Variants in TF observed in about 807,000 individuals in gnomAD.
TF encodes transferrin.
TF carries 55 observed loss-of-function variants against 82.4 expected under a neutral mutation model. That is an observed-to-expected ratio of 0.67 (90% confidence interval 0.54 to 0.84). The LOEUF is 0.84. Ranked by LOEUF, TF falls within the 40% of genes least tolerant of loss-of-function variation. The pLI, the probability that TF is intolerant of heterozygous loss-of-function variation, is 0.00. For synonymous variants in TF, 332 were observed against 332.6 expected (o/e 1.00, Z 0.02); for missense variants, 737 against 868.4 (o/e 0.85, Z 1.90).
In TF at chr3:133,759,275, G is replaced by A; in HGVS notation, c.1149G>A (p.Gly383=). ...ATGAGTGGAGTGTTAACAGTGTAGG[G>A]AAAATAGAGTGTGTATCAGCAGAGA... The part of the protein sequence containing the change: ...KCDEWSVNSV[G]KIECVSAETT... The change falls in exon 9 of 17, where the codon GGG becomes GGA. Residue 383 remains glycine, a synonymous_variant. Transcript: ENST00000402696. The A allele has an allele frequency of 6.2e-7, 1 of 1,614,082 alleles. No individual in the cohort carries two copies.
chr3:133,716,203 T>G, the TF span, among the ~76,000 whole-genome samples: 1 of 152,210 alleles, frequency 6.6e-6, no homozygotes, highest in African/African-American at 2.4e-5. Flanking sequence ...TATCTCTGTA[T>G]GCTGACAATT....
intron 5 of TF, 70 bp downstream of exon 5, chr3:133,755,565 G>C (rs1280255149): frequency 1.9e-6 from 3 of 1,604,198 alleles, no homozygotes; most frequent in African/African-American, 2.7e-5. Context: ...GTTCTTTGCT[G>C]GTCCAAAGCC....
chr3:133,741,215 C>T, upstream of TF, among the ~76,000 whole-genome samples: 1 of 151,944 alleles, frequency 6.6e-6, no homozygotes, highest in Non-Finnish European at 1.5e-5. Flanking sequence ...TGGTCTCAAA[C>T]TCCTGACCTC....
chr3:133,758,489 A>G (rs1933900822), intron 8 of TF, among the ~76,000 whole-genome samples: 1 of 152,178 alleles, frequency 6.6e-6, no homozygotes, highest in East Asian at 1.9e-4. Flanking sequence ...TGTCCTGGAA[A>G]TTTCAAACTG....
At chr3:133,697,929 T>G in the TF span, among the ~76,000 whole-genome samples, 3 of 152,206 alleles carry the variant, frequency 2.0e-5, no homozygotes, top group South Asian at 4.1e-4. Flanking sequence ...AGTTAAGGCA[T>G]AAGCAATAGG....
At chr3:133,715,054 C>T in the TF span, among the ~76,000 whole-genome samples, 2 of 152,174 alleles carry the variant, frequency 1.3e-5, no homozygotes, top group African/African-American at 4.8e-5. Flanking sequence ...GCACCTTTCC[C>T]CGTGGTCTTT....
the TF span, among the ~76,000 whole-genome samples, chr3:133,679,093 G>T: frequency 6.6e-6 from 1 of 152,026 alleles, no homozygotes; most frequent in Non-Finnish European, 1.5e-5. Context: ...GGCTGGTCTC[G>T]ATCTCCTGAC....
chr3:133,746,626 GC>G, intron 1 of TF, 143 bp downstream of exon 1: 1 of 899,464 alleles, frequency 1.1e-6, no homozygotes, highest in Non-Finnish European at 1.7e-6. Context: ...GCCTCTCTAC[GC>G]CCCACCCCTG....
At chr3:133,714,728 G>A in the TF span, among the ~76,000 whole-genome samples, 4 of 152,040 alleles carry the variant, frequency 2.6e-5, no homozygotes, top group Non-Finnish European at 5.9e-5. Flanking sequence ...TGTCACCTAG[G>A]CTGGAGTGTG....
chr3:133,716,401 A>G, the TF span, among the ~76,000 whole-genome samples: 1 of 152,282 alleles, frequency 6.6e-6, no homozygotes, highest in East Asian at 1.9e-4. Context: ...ATCTCAGTTA[A>G]GGGCAACTCT....
the TF span, among the ~76,000 whole-genome samples, chr3:133,738,678 C>T: frequency 6.6e-6 from 1 of 152,246 alleles, no homozygotes; most frequent in East Asian, 1.9e-4. Flanking sequence ...AACAGACAAA[C>T]AGAGCACCAA....
chr3:133,751,276 A>G (rs1576355735), intron 2 of TF, among the ~76,000 whole-genome samples: 1 of 126,328 alleles, frequency 7.9e-6, no homozygotes, highest in Non-Finnish European at 1.6e-5. Context: ...TCTGTCGCCC[A>G]GGCTGGAGTG....
chr3:133,746,452 C>G lies in TF; in HGVS notation c.12C>G (p.Ala4=). The change falls in exon 1 of 17, where the codon GCC becomes GCG. Residue 4 remains alanine (A), a synonymous_variant. Coordinates refer to ENST00000402696, the MANE Select transcript of TF (RefSeq NM_001063.4). MRL[A]VGALLVCAVL... ...GCCGCACCCGGAAGATGAGGCTCGCCGTGGGAGCCCTGCTGGTCTGCGCCG... is the reference window on the plus strand; with the variant it reads ...GCCGCACCCGGAAGATGAGGCTCGCGGTGGGAGCCCTGCTGGTCTGCGCCG... The G allele has an allele frequency of 1.9e-6, 3 of 1,600,642 alleles. No homozygotes were observed. The highest frequency in any genetic ancestry group is 4.5e-5 in the East Asian group (2 of 44,326).
intron 8 of TF, 127 bp downstream of exon 8, chr3:133,758,073 T>G: frequency 1.2e-6 from 1 of 859,124 alleles, no homozygotes; most frequent in South Asian, 1.6e-5. Context: ...GACCTGTCTG[T>G]GAGCCCAGTG....
At chr3:133,705,274 C>CA in the TF span, among the ~76,000 whole-genome samples, 106 of 137,750 alleles carry the variant, frequency 7.7e-4, 1 homozygote, top group South Asian at 7.3e-3. Context: ...AACTCCATCT[C>CA]AAAAAAAAAA....
At chr3:133,753,888 G>A in intron 3 of TF, 185 bp downstream of exon 3, 1 of 670,354 alleles carries the variant, frequency 1.5e-6, no homozygotes, top group Non-Finnish European at 2.7e-6. Context: ...GCTTTGGGCT[G>A]GCTGAGGACT....
At chr3:133,699,807 G>C in the TF span, 1 of 252,260 alleles carries the variant, frequency 4.0e-6, no homozygotes, top group African/African-American at 2.3e-5. Flanking sequence ...ATATACAGCA[G>C]AGGAATAAAA....
the TF span, among the ~76,000 whole-genome samples, chr3:133,686,682 T>C: frequency 6.6e-6 from 1 of 152,116 alleles, no homozygotes; most frequent in Admixed American, 6.5e-5. Flanking sequence ...TGGCGATCAT[T>C]AAAAAGTCAG....
At chr3:133,746,563 G>C in intron 1 of TF, 80 bp downstream of exon 1, 1 of 1,470,614 alleles carries the variant, frequency 6.8e-7, no homozygotes, top group Non-Finnish European at 9.2e-7. Flanking sequence ...CGCGCAGCCT[G>C]CATGCACTCC....
Sources: allele counts gnomAD v4.1 joint callset (sites outside exome capture counted in the v4.1 genomes callset), GRCh38; gene constraint gnomAD v4.1.1; transcripts MANE v1.5; gene names NCBI Gene and HGNC (gene_info 2026-07-23, HGNC 2026-07-21).